GNAQ: variants seen among roughly 807,000 people sequenced by gnomAD.
GNAQ encodes the protein guanine nucleotide-binding protein G(q) subunit alpha.
Under a neutral mutation model 43.9 loss-of-function variants are expected in GNAQ, and 8 were observed. The observed-to-expected ratio is 0.18, with a 90% CI of 0.11 to 0.33. The LOEUF is 0.33. Ranked by LOEUF, GNAQ falls within the 10% of genes least tolerant of loss-of-function variation. The probability of loss-of-function intolerance (pLI) is 1.00; values close to 1 mark genes in which losing one functional copy is unlikely to be tolerated. For missense variants in GNAQ, 158 were observed against 450.8 expected, an observed-to-expected ratio of 0.35 and a Z score of 5.88; for synonymous variants, 155 against 170.7, an observed-to-expected ratio of 0.91 and a Z score of 0.71.
At chr9:77,859,631 T>A (rs947694757) in intron 2 of GNAQ, among the ~76,000 whole-genome samples, 1 of 152,188 alleles carries the variant, frequency 6.6e-6, no homozygotes, top group Non-Finnish European at 1.5e-5. Context: ...CCCGGAGTTG[T>A]AAGAAGATCT....
chr9:77,843,049 T>C (rs576644081), intron 2 of GNAQ, among the ~76,000 whole-genome samples: 2 of 152,336 alleles, frequency 1.3e-5, no homozygotes, highest in African/African-American at 2.4e-5. Flanking sequence ...ATGCGTAATC[T>C]GATTGTATTT....
At chr9:77,880,557 T>TG (rs1352220073) in intron 2 of GNAQ, among the ~76,000 whole-genome samples, 7 of 148,312 alleles carry the variant, frequency 4.7e-5, no homozygotes, top group Middle Eastern at 3.4e-3. Flanking sequence ...TTTTTTCTGT[T>TG]TTTTTTTTTT....
At chr9:77,909,760 T>C (rs865821738) in intron 2 of GNAQ, among the ~76,000 whole-genome samples, 28 of 151,048 alleles carry the variant, frequency 1.9e-4, no homozygotes, top group South Asian at 1.0e-3. Context: ...TCTTAACAAA[T>C]TCACTTTAAG....
chr9:77,983,907 C>G (rs1225979788), intron 1 of GNAQ, among the ~76,000 whole-genome samples: 1 of 151,798 alleles, frequency 6.6e-6, no homozygotes, highest in Admixed American at 6.6e-5. Flanking sequence ...TACCGAGATC[C>G]TACTGTGTGG....
intron 1 of GNAQ, among the ~76,000 whole-genome samples, chr9:78,007,820 G>C (rs1823725422): frequency 6.6e-6 from 1 of 152,134 alleles, no homozygotes; most frequent in Admixed American, 6.5e-5. Context: ...TAAAAACTCA[G>C]GTTGGCTTCC....
chr9:78,008,383 G>T (rs1281394216), intron 1 of GNAQ, among the ~76,000 whole-genome samples: 2 of 152,188 alleles, frequency 1.3e-5, no homozygotes, highest in African/African-American at 2.4e-5. Flanking sequence ...ATGGGGGCAA[G>T]GGAGTGGGAT....
intron 6 of GNAQ, among the ~76,000 whole-genome samples, chr9:77,722,575 A>G (rs1825333900): frequency 1.3e-5 from 2 of 152,136 alleles, no homozygotes; most frequent in Admixed American, 1.3e-4. Context: ...ATATGACACC[A>G]CAGCACAGGT....
intron 1 of GNAQ, among the ~76,000 whole-genome samples, chr9:78,029,120 A>T (rs1346233726): frequency 6.6e-6 from 1 of 152,100 alleles, no homozygotes; most frequent in Non-Finnish European, 1.5e-5. Flanking sequence ...ATGTAAGTGT[A>T]TTTCCCTTAG....
rs1490920944 is a variant in GNAQ, at chr9:77,721,144, T to G, written c.*179A>C. On this transcript the variant is annotated 3_prime_UTR_variant, in exon 7 of 7. Coordinates refer to ENST00000286548, the MANE Select transcript of GNAQ (RefSeq NM_002072.5). ...GTACTTCAGCATCCTCTGTTTTTCC[T>G]CTGAATAGTTTAAATAAAATCATAA... The G allele has an allele frequency of 2.0e-6, 1 of 511,044 alleles. No homozygotes were observed. The highest frequency in any genetic ancestry group is 3.6e-5 in the Admixed American group (1 of 27,774). The allele number at this position is 511,044 out of a possible 1,614,324, so 31.7% of individuals were successfully genotyped here.
At chr9:77,957,217 G>A (rs1224055249) in intron 1 of GNAQ, among the ~76,000 whole-genome samples, 1 of 152,038 alleles carries the variant, frequency 6.6e-6, no homozygotes, top group Non-Finnish European at 1.5e-5. Context: ...TTAGCCAGGT[G>A]TGGTGGTGTG....
At chr9:77,883,643 G>GC (rs1231514510) in intron 2 of GNAQ, among the ~76,000 whole-genome samples, 1 of 150,262 alleles carries the variant, frequency 6.7e-6, no homozygotes, top group African/African-American at 2.5e-5. Context: ...CCTTGCCCCC[G>GC]CCCCCACTCT....
intron 1 of GNAQ, among the ~76,000 whole-genome samples, chr9:77,928,142 T>A (rs757148400): frequency 3.3e-5 from 5 of 152,208 alleles, no homozygotes; most frequent in Non-Finnish European, 7.3e-5. Flanking sequence ...CCATGTGTTG[T>A]CCACATTCCA....
At chr9:78,014,222 C>G (rs1201303675) in intron 1 of GNAQ, among the ~76,000 whole-genome samples, 2 of 152,062 alleles carry the variant, frequency 1.3e-5, no homozygotes, top group Non-Finnish European at 1.5e-5. Context: ...AATCAGAAAA[C>G]AGAAATCAGA....
At chr9:77,782,663 G>C (rs1826412920) in intron 5 of GNAQ, among the ~76,000 whole-genome samples, 1 of 152,186 alleles carries the variant, frequency 6.6e-6, no homozygotes, top group Non-Finnish European at 1.5e-5. Flanking sequence ...AACCAAAGGA[G>C]CTGAAAACAT....
intron 3 of GNAQ, among the ~76,000 whole-genome samples, chr9:77,800,353 G>A (rs1028992802): frequency 6.6e-6 from 1 of 151,976 alleles, no homozygotes; most frequent in African/African-American, 2.4e-5. Context: ...ACTGGATTAA[G>A]AAAATGTGGC....
At chr9:77,956,552 C>G (rs1471205026) in intron 1 of GNAQ, among the ~76,000 whole-genome samples, 1 of 152,096 alleles carries the variant, frequency 6.6e-6, no homozygotes, top group African/African-American at 2.4e-5. Flanking sequence ...GCACTGCAAC[C>G]CTCTTGGATT....
chr9:77,762,340 G>T (rs1826052413), intron 5 of GNAQ, among the ~76,000 whole-genome samples: 1 of 145,324 alleles, frequency 6.9e-6, no homozygotes, highest in Non-Finnish European at 1.5e-5. Flanking sequence ...CCACCTGGGA[G>T]GTGAGGGGCG....
intron 1 of GNAQ, among the ~76,000 whole-genome samples, chr9:77,955,905 T>C (rs995701275): frequency 2.6e-5 from 4 of 152,192 alleles, no homozygotes; most frequent in Non-Finnish European, 5.9e-5. Flanking sequence ...GAATCACTTA[T>C]TTCAAGACCA....
At position 77,817,803 on chromosome 9, in the gene GNAQ, T is replaced by C. The variant is rs115600988; in HGVS notation, c.322-2033A>G. ...GCACATGAGCGATGCTGCATGGGGA[T>C]GGTGTTAAGTGCAACTGTGTACGGA... On this transcript the variant is annotated intron_variant, in intron 2 of 6. Coordinates refer to ENST00000286548, the MANE Select transcript of GNAQ (RefSeq NM_002072.5). Among the ~76,000 whole-genome samples the C allele has an allele frequency of 4.2e-3, 646 of 152,166 alleles. 4 individuals carry two copies. Among genetic ancestry groups the C allele is most frequent in the African/African-American group, 0.015 (627 of 41,506 alleles).
Sources: allele counts gnomAD v4.1 joint callset (sites outside exome capture counted in the v4.1 genomes callset), GRCh38; gene constraint gnomAD v4.1.1; transcripts MANE v1.5; gene names NCBI Gene and HGNC (gene_info 2026-07-23, HGNC 2026-07-21).